RNF128: variants seen among roughly 807,000 people sequenced by gnomAD.
The protein encoded by RNF128 is E3 ubiquitin-protein ligase RNF128.
In RNF128, 13 loss-of-function variants were observed where a neutral mutation model predicts 26.2. The observed-to-expected ratio is 0.50, with a 90% CI of 0.32 to 0.79. The LOEUF (loss-of-function observed/expected upper bound fraction) is 0.79, where lower values mean the gene tolerates loss of function less well. RNF128 is among the 30% of genes least tolerant of loss of function. The pLI, the probability that RNF128 is intolerant of heterozygous loss-of-function variation, is 0.03. For missense variants in RNF128, 315 were observed against 349.7 expected, an observed-to-expected ratio of 0.90 and a Z score of 0.79; for synonymous variants, 149 against 142.5, an observed-to-expected ratio of 1.05 and a Z score of -0.32.
intron 1 of RNF128, among the ~76,000 whole-genome samples, chrX:106,705,720 CA>C (rs1042375263): frequency 2.7e-5 from 3 of 111,867 alleles, no homozygotes; most frequent in Non-Finnish European, 5.6e-5. Context: ...TCTAAATGCT[CA>C]GTTAACTTAT....
chrX:106,791,324 C>A, intron 6 of RNF128, 90 bp downstream of exon 6: 1 of 869,905 alleles, frequency 1.1e-6, no homozygotes, highest in Non-Finnish European at 1.6e-6. Flanking sequence ...GCGTTTGTTC[C>A]ATTCAGCCAT....
intron 1 of RNF128, among the ~76,000 whole-genome samples, chrX:106,704,196 G>T (rs1360311760): frequency 9.1e-6 from 1 of 110,109 alleles, no homozygotes; most frequent in Non-Finnish European, 1.9e-5. Context: ...AGCACTTTGG[G>T]GGGCCAAGAA....
Position 106,787,983 on chromosome X carries a change from A to G in RNF128, c.870A>G (p.Val290=). The change falls in exon 4 of 7, where the codon GTA becomes GTG. Residue 290 remains valine, a synonymous_variant. Transcript: ENST00000255499. ...AATTGTATAAACCAAATGATTTGGT[A>G]CGCATCTTAACGTGCAAGTAAGTTT... The part of the protein sequence containing the change: ...CIELYKPNDL[V]RILTCNHIFH... 3.5e-6 allele frequency: 4 copies of G among 1,148,168 alleles called. No homozygotes were observed. The highest frequency in any genetic ancestry group is 3.5e-6 in the Non-Finnish European group (3 of 860,207). 94.6% of individuals were successfully genotyped at this position (1,148,168 alleles called of 1,213,427 possible). A position where few individuals can be genotyped will look rare whatever the true frequency, so the allele number is the denominator to read the frequency against.
rs755129449 is a variant in RNF128, at chrX:106,772,416, T to C, written c.485-497T>C. 2.5e-3 allele frequency among the ~76,000 whole-genome samples: 280 copies of C among 111,786 alleles called. 2 individuals are homozygous for C. The highest frequency in any genetic ancestry group is 4.3e-3 in the Non-Finnish European group (227 of 53,111). ...GTTTGTACATTTGGGTTTGTAAACA[T>C]TGTTTGGCTCAAATTACTATCCCAA... On this transcript the variant is annotated intron_variant, in intron 1 of 6. Transcript: ENST00000255499.
intron 1 of RNF128, among the ~76,000 whole-genome samples, chrX:106,755,330 T>G (rs1929983651): frequency 9.0e-6 from 1 of 111,116 alleles, no homozygotes; most frequent in African/African-American, 3.3e-5. Flanking sequence ...GCCAAACGTT[T>G]AAAGAAGAAC....
At chrX:106,694,850 G>A (rs1310853463) in intron 1 of RNF128, among the ~76,000 whole-genome samples, 5 of 111,625 alleles carry the variant, frequency 4.5e-5, no homozygotes, top group African/African-American at 1.6e-4. Flanking sequence ...TATTATAAGT[G>A]TGTAAAATGT....
intron 1 of RNF128, among the ~76,000 whole-genome samples, chrX:106,769,209 T>C (rs1170074530): frequency 1.8e-5 from 2 of 111,589 alleles, no homozygotes; most frequent in East Asian, 5.6e-4. Flanking sequence ...GGGTGGAGAG[T>C]TCTGTAGATG....
chrX:106,697,069 C>A (rs1345095709), intron 1 of RNF128, among the ~76,000 whole-genome samples: 1 of 111,599 alleles, frequency 9.0e-6, no homozygotes, highest in African/African-American at 3.3e-5. Flanking sequence ...ACAAGTTGGC[C>A]ACCCTAGCTG....
At chrX:106,746,542 G>T (rs772708129) in intron 1 of RNF128, among the ~76,000 whole-genome samples, 1 of 111,155 alleles carries the variant, frequency 9.0e-6, no homozygotes, top group African/African-American at 3.2e-5. Context: ...AATGAAAGAA[G>T]TTGGCCACCA....
chrX:106,788,396 T>C (rs58451729), intron 4 of RNF128, among the ~76,000 whole-genome samples: 2 of 43,315 alleles, frequency 4.6e-5, no homozygotes, highest in African/African-American at 2.8e-4. Context: ...ATAATATATA[T>C]TATATATAAT....
At chrX:106,748,389 T>A (rs1052427320) in intron 1 of RNF128, among the ~76,000 whole-genome samples, 1 of 112,256 alleles carries the variant, frequency 8.9e-6, no homozygotes, top group African/African-American at 3.2e-5. Flanking sequence ...CAACATAGAT[T>A]CAGTGATATG....
exon 1 of RNF128, chrX:106,694,088 G>C (rs1928830983): frequency 8.3e-7 from 1 of 1,206,436 alleles, no homozygotes; most frequent in South Asian, 1.8e-5. Context: ...TTTTCAATGA[G>C]TGCCTATGTG....
At chrX:106,758,603 T>C (rs1288662580) in intron 1 of RNF128, among the ~76,000 whole-genome samples, 1 of 110,283 alleles carries the variant, frequency 9.1e-6, no homozygotes, top group Non-Finnish European at 1.9e-5. Context: ...CAAAGAAAAA[T>C]AATAGAGAAT....
chrX:106,795,558 A>C, intron 6 of RNF128, 22 bp from the exon 7 acceptor site: 1 of 1,174,994 alleles, frequency 8.5e-7, no homozygotes, highest in Non-Finnish European at 1.1e-6. Flanking sequence ...AATCATCCTA[A>C]AATTGCTATT....
intron 1 of RNF128, among the ~76,000 whole-genome samples, chrX:106,757,952 CAA>C (rs1454500717): frequency 9.0e-6 from 1 of 110,804 alleles, no homozygotes; most frequent in Non-Finnish European, 1.9e-5. Context: ...AGACATCAGA[CAA>C]GAGAAAGAAG....
At chrX:106,698,852 C>T (rs1388661595) in intron 1 of RNF128, among the ~76,000 whole-genome samples, 1 of 111,287 alleles carries the variant, frequency 9.0e-6, no homozygotes, top group Non-Finnish European at 1.9e-5. Context: ...ATCATCTGGC[C>T]TACTGCTGTG....
chrX:106,704,692 A>G (rs1472747880), intron 1 of RNF128, among the ~76,000 whole-genome samples: 1 of 111,405 alleles, frequency 9.0e-6, no homozygotes, highest in Non-Finnish European at 1.9e-5. Context: ...TAGAAGACAC[A>G]TGGAAACTTT....
chrX:106,788,431 T>TA lies in RNF128; in HGVS notation c.887+432dup, dbSNP rs1930720304. Reference sequence around the variant, plus strand: ...TATATAATATATAATATATATTATATATAATATTATTATAATTATAATATA... The same window carrying TA: ...TATATAATATATAATATATATTATATAATAATATTATTATAATTATAATATA... On this transcript the variant is annotated intron_variant, in intron 4 of 6. Coordinates refer to ENST00000255499, the MANE Select transcript of RNF128 (RefSeq NM_194463.2). Among the ~76,000 whole-genome samples the TA allele has an allele frequency of 8.3e-5, 4 of 48,042 alleles. No homozygotes were observed. The Admixed American group carries it at 1.2e-3, about 15-fold the overall frequency. The allele number at this position is 48,042 out of a possible 115,157, so 41.7% of individuals were successfully genotyped here. A position where few individuals can be genotyped will look rare whatever the true frequency, so the allele number is the denominator to read the frequency against.
At chrX:106,776,038 A>G (rs1341728235) in intron 2 of RNF128, among the ~76,000 whole-genome samples, 1 of 112,495 alleles carries the variant, frequency 8.9e-6, no homozygotes, top group Non-Finnish European at 1.9e-5. Flanking sequence ...TAAACAGAAC[A>G]AAAAAGTATC....
Sources: allele counts gnomAD v4.1 joint callset (sites outside exome capture counted in the v4.1 genomes callset), GRCh38; gene constraint gnomAD v4.1.1; transcripts MANE v1.5; gene names NCBI Gene and HGNC (gene_info 2026-07-23, HGNC 2026-07-21).